The following SGPP2 variants were observed in gnomAD, a reference collection of about 807,000 sequenced individuals.
SGPP2 encodes the protein sphingosine 1-phosphate phosphohydrolase 2.
Under a neutral mutation model 33.9 loss-of-function variants are expected in SGPP2, and 30 were observed. The observed-to-expected ratio is 0.89, with a 90% CI of 0.66 to 1.20. The LOEUF is 1.20. Among genes scored for constraint, SGPP2 ranks in the 50% most tolerant of loss-of-function variants. SGPP2 has a pLI of 0.00. For missense variants in SGPP2, 458 were observed against 532.1 expected (o/e 0.86, Z 1.37); for synonymous variants, 233 against 225.0 (o/e 1.04, Z -0.32).
chr2:222,488,324 G>A (rs761300755), intron 2 of SGPP2, among the ~76,000 whole-genome samples: 18 of 152,294 alleles, frequency 1.2e-4, no homozygotes, highest in African/African-American at 4.3e-4. Flanking sequence ...GTGGGTGAGC[G>A]AGCATTACTG....
chr2:222,459,851 T>G (rs1697632677), intron 1 of SGPP2, among the ~76,000 whole-genome samples: 1 of 152,224 alleles, frequency 6.6e-6, no homozygotes, highest in Non-Finnish European at 1.5e-5. Context: ...GGTTCCCTTC[T>G]TTATCAAGAC....
At chr2:222,519,688 C>T (rs1363395649) in intron 2 of SGPP2, among the ~76,000 whole-genome samples, 3 of 152,166 alleles carry the variant, frequency 2.0e-5, no homozygotes. Context: ...TCTAGTGGTC[C>T]ACAGTGTCTG....
intron 2 of SGPP2, chr2:222,498,153 C>A (rs1391398277): frequency 6.6e-6 from 1 of 152,120 alleles, no homozygotes; most frequent in Non-Finnish European, 1.5e-5. Flanking sequence ...TTCAGTGTTG[C>A]CTCAACCATC....
intron 1 of SGPP2, among the ~76,000 whole-genome samples, chr2:222,438,807 G>A (rs776718830): frequency 2.0e-5 from 3 of 152,290 alleles, no homozygotes; most frequent in Middle Eastern, 3.4e-3. Context: ...ACTAATCTCC[G>A]CAGTTCCTCC....
In SGPP2 at chr2:222,476,874, G is replaced by A. The variant is rs944094858; in HGVS notation, c.378+2148G>A. ...GGTGTGTATATGTGTATATATAGGT[G>A]TGTGTATATATGTGTGTTTATTGTA... is the stretch of plus-strand genomic sequence containing the variant. On this transcript the variant is annotated intron_variant, in intron 2 of 4. Coordinates refer to ENST00000321276, the MANE Select transcript of SGPP2 (RefSeq NM_152386.4). This position sits in a 1 kb window ranked among gnomAD's most constrained non-coding sequence, Gnocchi z 4.3. Among the ~76,000 whole-genome samples the A allele has an allele frequency of 2.0e-5, 3 of 151,676 alleles. No individual in the cohort carries two copies. Among genetic ancestry groups the A allele is most frequent in the Non-Finnish European group, 4.4e-5 (3 of 67,920 alleles).
chr2:222,495,915 GT>G (rs1698273085), intron 2 of SGPP2, among the ~76,000 whole-genome samples: 1 of 152,110 alleles, frequency 6.6e-6, no homozygotes, highest in Non-Finnish European at 1.5e-5. Context: ...GGTACACATG[GT>G]TTTAGTATCC....
intron 2 of SGPP2, among the ~76,000 whole-genome samples, chr2:222,492,555 T>A (rs1698214155): frequency 6.6e-6 from 1 of 152,244 alleles, no homozygotes; most frequent in East Asian, 1.9e-4. Context: ...TCCTGCCCAC[T>A]AAACCGCTTT....
chr2:222,535,253 C>A (rs1435769054), intron 4 of SGPP2, among the ~76,000 whole-genome samples: 1 of 152,004 alleles, frequency 6.6e-6, no homozygotes, highest in Non-Finnish European at 1.5e-5. Flanking sequence ...TGGCAGGTGC[C>A]TATAATCCCA....
rs575984505 is a variant in SGPP2 at position 222,492,972 on chromosome 2, G to A, written c.378+18246G>A. Among the ~76,000 whole-genome samples, 13 of 152,250 alleles carry A rather than the reference G, an allele frequency of 8.5e-5. No individual in the cohort carries two copies. In the East Asian group the frequency reaches 1.9e-3, roughly 23 times the overall value. ...AACTTCATTGTCCATATTACTATCAGCATTCTGGTCAAAACCATTTAACAA... is the reference window on the plus strand; with the variant it reads ...AACTTCATTGTCCATATTACTATCAACATTCTGGTCAAAACCATTTAACAA... On this transcript the variant is annotated intron_variant, in intron 2 of 4. Transcript: ENST00000321276.
intron 2 of SGPP2, among the ~76,000 whole-genome samples, chr2:222,500,662 A>T (rs1698353966): frequency 6.6e-6 from 1 of 152,206 alleles, no homozygotes; most frequent in Non-Finnish European, 1.5e-5. Flanking sequence ...GCAGATACAC[A>T]TCCAGGGCAC....
Position 222,561,099 on chromosome 2 carries a change from T to C in SGPP2, c.*2201T>C, listed in dbSNP as rs531292827. On this transcript the variant is annotated 3_prime_UTR_variant, in exon 5 of 5. Transcript: ENST00000321276. ...CAGCCTGGGCGACAGAGCGAGACTC[T>C]CTCAAAAAAAAAAAAAAAGAATTTT... is the stretch of plus-strand genomic sequence containing the variant. Among the ~76,000 whole-genome samples, 1 of 137,830 alleles carries C rather than the reference T, an allele frequency of 7.3e-6. No homozygotes were observed. The highest frequency in any genetic ancestry group is 2.7e-5 in the African/African-American group (1 of 37,480). 90.4% of individuals were successfully genotyped at this position (137,830 alleles called of 152,430 possible).
intron 2 of SGPP2, chr2:222,498,336 A>G (rs1408361459): frequency 6.6e-6 from 1 of 152,216 alleles, no homozygotes; most frequent in African/African-American, 2.4e-5. Flanking sequence ...AATGATACAG[A>G]GAAGATTAAC....
chr2:222,482,151 G>T (rs1393122986), intron 2 of SGPP2, among the ~76,000 whole-genome samples: 2 of 152,164 alleles, frequency 1.3e-5, no homozygotes, highest in Non-Finnish European at 2.9e-5. Flanking sequence ...ACCATGAAAG[G>T]AGCACCAGGC....
intron 1 of SGPP2, among the ~76,000 whole-genome samples, chr2:222,433,566 G>C (rs1023661140): frequency 5.9e-5 from 9 of 152,164 alleles, no homozygotes; most frequent in Non-Finnish European, 1.5e-5. Context: ...ATGGAAGCTT[G>C]AAAGGTGCGC....
At chr2:222,540,770 T>G (rs567981201) in intron 4 of SGPP2, among the ~76,000 whole-genome samples, 173 of 152,148 alleles carry the variant, frequency 1.1e-3, no homozygotes, top group African/African-American at 4.0e-3. Context: ...GATCATACAT[T>G]ATACATTTAT....
intron 4 of SGPP2, among the ~76,000 whole-genome samples, chr2:222,544,983 CTATCTAAGTA>C (rs1479466968): frequency 6.6e-6 from 1 of 150,784 alleles, no homozygotes; most frequent in Non-Finnish European, 1.5e-5. Context: ...TATTCTCCTC[CTATCTAAGTA>C]TATTTCTCAG....
chr2:222,488,959 G>A (rs1169310659), intron 2 of SGPP2, among the ~76,000 whole-genome samples: 1 of 152,122 alleles, frequency 6.6e-6, no homozygotes, highest in Non-Finnish European at 1.5e-5. Flanking sequence ...TTTGATTCTG[G>A]GGGTTGGGGA....
intron 4 of SGPP2, among the ~76,000 whole-genome samples, chr2:222,526,296 C>T (rs567546571): frequency 3.9e-5 from 6 of 152,328 alleles, no homozygotes; most frequent in Non-Finnish European, 8.8e-5. Context: ...CAGCCTGGCC[C>T]TGACCTGGGT....
At chr2:222,483,307 ATT>A (rs202239975) in intron 2 of SGPP2, among the ~76,000 whole-genome samples, 39 of 146,428 alleles carry the variant, frequency 2.7e-4, no homozygotes, top group African/African-American at 8.2e-4. Context: ...TATAAATTTC[ATT>A]TTTTTTTTTT....
Sources: allele counts gnomAD v4.1 joint callset (sites outside exome capture counted in the v4.1 genomes callset), GRCh38; gene constraint gnomAD v4.1.1; non-coding constraint Gnocchi (gnomAD v3.1); transcripts MANE v1.5; gene names NCBI Gene and HGNC (gene_info 2026-07-23, HGNC 2026-07-21).